Variants in WDR70 observed in about 807,000 individuals in gnomAD.
The protein encoded by WDR70 is WD repeat domain 70.
A neutral mutation model predicts 88.6 loss-of-function variants in WDR70; 53 were observed. The ratio of observed to expected loss-of-function variants is 0.60; its 90% CI spans 0.48 to 0.75. WDR70 has a LOEUF of 0.75. Among genes scored for constraint, WDR70 ranks in the 30% least tolerant of loss-of-function variants. The pLI is 0.00. For missense variants in WDR70, 610 were observed against 823.2 expected, an observed-to-expected ratio of 0.74 and a Z score of 3.17; for synonymous variants, 280 against 270.0, an observed-to-expected ratio of 1.04 and a Z score of -0.36.
chr5:37,506,682 T>C (rs1163081685), intron 8 of WDR70: 11 of 791,548 alleles, frequency 1.4e-5, no homozygotes. Flanking sequence ...TAAAACATCA[T>C]CATCCCTGAT....
At chr5:37,419,367 G>A (rs556963532) in intron 5 of WDR70, among the ~76,000 whole-genome samples, 1 of 151,016 alleles carries the variant, frequency 6.6e-6, no homozygotes, top group Non-Finnish European at 1.5e-5. Flanking sequence ...CACCGTGCCC[G>A]GCTAATTTTT....
intron 10 of WDR70, among the ~76,000 whole-genome samples, chr5:37,694,840 T>TATAATAATAATAATAATA (rs34298664): frequency 1.1e-4 from 16 of 149,704 alleles, no homozygotes; most frequent in African/African-American, 3.5e-4. Flanking sequence ...TAACTTAAAG[T>TATAATAATAATAATAATA]ATAATAATAA....
chr5:37,719,470 G>A (rs1342811802), intron 13 of WDR70, among the ~76,000 whole-genome samples: 1 of 150,952 alleles, frequency 6.6e-6, no homozygotes, highest in Non-Finnish European at 1.5e-5. Context: ...TGCTAGCCTG[G>A]GTAGCAGGCA....
At chr5:37,530,138 A>G (rs1741435257) in intron 9 of WDR70, among the ~76,000 whole-genome samples, 1 of 152,050 alleles carries the variant, frequency 6.6e-6, no homozygotes, top group African/African-American at 2.4e-5. Flanking sequence ...TGACTTGCGG[A>G]TGTTAAACCA....
chr5:37,496,316 G>A (rs903847033), intron 8 of WDR70, among the ~76,000 whole-genome samples: 1 of 152,128 alleles, frequency 6.6e-6, no homozygotes, highest in African/African-American at 2.4e-5. Context: ...AAATCTTGCT[G>A]CTGCTCACTC....
intron 6 of WDR70, among the ~76,000 whole-genome samples, chr5:37,439,664 A>G (rs1171049119): frequency 6.9e-6 from 1 of 145,896 alleles, no homozygotes; most frequent in South Asian, 2.1e-4. Context: ...TTTGTTCTAC[A>G]TGCAAATAAA....
intron 5 of WDR70, among the ~76,000 whole-genome samples, chr5:37,403,736 T>G (rs889604305): frequency 2.0e-5 from 3 of 152,180 alleles, no homozygotes; most frequent in African/African-American, 7.2e-5. Flanking sequence ...ATTTTTTTTT[T>G]TAAAGATGGG....
At chr5:37,623,526 A>G (rs1744574785) in intron 10 of WDR70, among the ~76,000 whole-genome samples, 1 of 152,198 alleles carries the variant, frequency 6.6e-6, no homozygotes, top group African/African-American at 2.4e-5. Context: ...TAGTAAATAG[A>G]CAAGTAGATT....
At chr5:37,701,789 A>C (rs1251556089) in intron 12 of WDR70, among the ~76,000 whole-genome samples, 1 of 49,414 alleles carries the variant, frequency 2.0e-5, no homozygotes, top group African/African-American at 4.5e-5. Flanking sequence ...CCATCTCAAA[A>C]AAAAAAAAAA....
In WDR70 at chr5:37,530,000, A is replaced by G. The variant is rs1472344860; in HGVS notation, c.917+13410A>G. Among the ~76,000 whole-genome samples, 6 of 152,214 alleles carry G rather than the reference A, an allele frequency of 3.9e-5. No individual in the cohort carries two copies. In the East Asian group the frequency reaches 9.6e-4, roughly 24 times the overall value. The stretch of plus-strand genomic sequence containing the variant: ...TATTATGTTAAGGTATGTCCCTTCT[A>G]TGTCAATTTTGCTGAGGGTTTTAAT... On this transcript the variant is annotated intron_variant, in intron 9 of 17. Coordinates refer to ENST00000265107, the MANE Select transcript of WDR70 (RefSeq NM_018034.4).
At chr5:37,723,067 AG>A in intron 15 of WDR70, 133 bp downstream of exon 15, 1 of 977,484 alleles carries the variant, frequency 1.0e-6, no homozygotes, top group Non-Finnish European at 1.6e-6. Flanking sequence ...TCATGTGGAT[AG>A]GACTACGAGT....
At chr5:37,520,166 AC>A (rs1353051069) in intron 9 of WDR70, among the ~76,000 whole-genome samples, 1 of 152,082 alleles carries the variant, frequency 6.6e-6, no homozygotes, top group African/African-American at 2.4e-5. Context: ...TTAAATAAGA[AC>A]TTTTTTATTC....
intron 9 of WDR70, among the ~76,000 whole-genome samples, chr5:37,520,749 G>T (rs894916664): frequency 6.6e-6 from 1 of 152,116 alleles, no homozygotes; most frequent in Non-Finnish European, 1.5e-5. Context: ...AAAGTTCTAA[G>T]TAAAATACAG....
intron 15 of WDR70, chr5:37,723,922 G>A (rs1459805448): frequency 6.6e-6 from 1 of 152,128 alleles, no homozygotes; most frequent in Non-Finnish European, 1.5e-5. Context: ...CCTGACTCAA[G>A]GCAGGCATGT....
At chr5:37,501,633 G>A (rs1740408414) in intron 8 of WDR70, among the ~76,000 whole-genome samples, 1 of 152,108 alleles carries the variant, frequency 6.6e-6, no homozygotes, top group South Asian at 2.1e-4. Flanking sequence ...CATTTTTGTA[G>A]GCATACAGTT....
intron 10 of WDR70, among the ~76,000 whole-genome samples, chr5:37,659,368 T>C (rs1030736306): frequency 6.6e-6 from 1 of 152,210 alleles, no homozygotes; most frequent in Non-Finnish European, 1.5e-5. Flanking sequence ...TTGAAAATAG[T>C]ATTTTTAATT....
rs767883912 is a variant in WDR70, at chr5:37,725,062, C to G, written c.1714+12C>G. On this transcript the variant is annotated intron_variant, in intron 16 of 17. Transcript: ENST00000265107. ...TGTAGCAGGCCCAGGTGACTGTGAT[C>G]CAGCTAGTGACCTGCAGAGGGGGTT... 2 of 1,610,506 alleles carry G rather than the reference C, an allele frequency of 1.2e-6. No homozygotes were observed. Among genetic ancestry groups the G allele is most frequent in the Non-Finnish European group, 1.7e-6 (2 of 1,177,246 alleles).
At chr5:37,400,820 A>G (rs1349008634) in intron 5 of WDR70, among the ~76,000 whole-genome samples, 1 of 152,224 alleles carries the variant, frequency 6.6e-6, no homozygotes, top group East Asian at 1.9e-4. Flanking sequence ...AAAAATTGCT[A>G]TAGCGAAGGC....
At chr5:37,676,024 G>A (rs1418363680) in intron 10 of WDR70, among the ~76,000 whole-genome samples, 1 of 147,804 alleles carries the variant, frequency 6.8e-6, no homozygotes, top group Non-Finnish European at 1.5e-5. Context: ...CTCATGATTT[G>A]GCTCTCTGTT....
Sources: gnomAD v4.1 joint callset for allele counts (sites outside exome capture counted in the v4.1 genomes callset) on GRCh38, gnomAD v4.1.1 for gene constraint, MANE v1.5 for transcripts, NCBI Gene and HGNC (gene_info 2026-07-23, HGNC 2026-07-21) for gene names.